The following SEPTIN6 variants were observed in gnomAD, a reference collection of about 807,000 sequenced individuals.
SEPTIN6 encodes the protein septin-6.
A neutral mutation model predicts 33.6 loss-of-function variants in SEPTIN6; 8 were observed. The observed-to-expected ratio is 0.24, with a 90% confidence interval of 0.14 to 0.43. The LOEUF is 0.43. Among genes scored for constraint, SEPTIN6 ranks in the 20% least tolerant of loss-of-function variants. The pLI is 1.00. For missense variants in SEPTIN6, 250 were observed against 340.8 expected, an observed-to-expected ratio of 0.73 and a Z score of 2.10; for synonymous variants, 131 against 140.0, an observed-to-expected ratio of 0.94 and a Z score of 0.45.
rs148582240 is a variant in SEPTIN6 at position 119,688,310 on chromosome X, T to C, written c.30+4766A>G. ...CAGTCACTCTCCTGTGTAGCACTTA[T>C]CACAAAGATAATTAGATAGTGATTT... On this transcript the variant is annotated intron_variant, in intron 1 of 10. Coordinates refer to ENST00000394610, the MANE Select transcript of SEPTIN6 (RefSeq NM_145799.4). Among the ~76,000 whole-genome samples the C allele has an allele frequency of 5.4e-3, 606 of 111,597 alleles. 6 individuals carry two copies. The highest frequency in any genetic ancestry group is 0.019 in the African/African-American group (574 of 30,686).
chrX:119,653,586 G>A (rs910060720), intron 3 of SEPTIN6, among the ~76,000 whole-genome samples: 33 of 111,832 alleles, frequency 3.0e-4, no homozygotes, highest in African/African-American at 8.1e-4. Context: ...CCTTTATCTC[G>A]CCCTACAGTG....
At chrX:119,681,546 G>A (rs190800696) in intron 1 of SEPTIN6, among the ~76,000 whole-genome samples, 1 of 105,814 alleles carries the variant, frequency 9.5e-6, no homozygotes, top group East Asian at 2.8e-4. Flanking sequence ...ATTTATTACA[G>A]CACAGTTTAT....
At chrX:119,673,875 G>T (rs867682072) in intron 2 of SEPTIN6, among the ~76,000 whole-genome samples, 3 of 100,386 alleles carry the variant, frequency 3.0e-5, no homozygotes, top group African/African-American at 1.1e-4. Context: ...AGAAAGAAAA[G>T]AAAAGAAAGA....
intron 5 of SEPTIN6, among the ~76,000 whole-genome samples, chrX:119,645,921 C>A (rs1030630789): frequency 3.6e-5 from 4 of 112,309 alleles, no homozygotes; most frequent in African/African-American, 1.3e-4. Flanking sequence ...TTGTGTCTAA[C>A]TTAAATTCTT....
At chrX:119,641,782 A>G (rs998404044) in intron 5 of SEPTIN6, among the ~76,000 whole-genome samples, 4 of 112,684 alleles carry the variant, frequency 3.5e-5, no homozygotes, top group African/African-American at 1.3e-4. Flanking sequence ...CACCACAGCC[A>G]GATGGAACCA....
At position 119,649,995 on chromosome X, in the gene SEPTIN6, T is replaced by C; in HGVS notation, c.632A>G (p.Gln211Arg). ...ITSELVSNGV[Q>R]IYQFPTDDES... is the part of the protein sequence containing the mutation. ...ATCATCTGTAGGAAACTGATAGATC[T>C]GGACTCCGTTGCTGACAAGCTCGCT... Residue 211 changes from glutamine (Q) to arginine (R), a missense_variant, in exon 5 of 11, where the codon CAG becomes CGG. Gln to Arg is a conservative substitution (Grantham distance 43). Coordinates refer to ENST00000394610, the MANE Select transcript of SEPTIN6 (RefSeq NM_145799.4). The C allele has an allele frequency of 8.3e-7, 1 of 1,211,716 alleles. No individual in the cohort carries two copies.
chrX:119,625,511 T>TG, intron 9 of SEPTIN6, 132 bp from the exon 10 acceptor site: 1 of 561,471 alleles, frequency 1.8e-6, no homozygotes, highest in South Asian at 2.8e-5. Flanking sequence ...GTGGGAAGGG[T>TG]GGACTGGTAG....
At chrX:119,626,898 G>T (rs1211158786) in intron 9 of SEPTIN6, among the ~76,000 whole-genome samples, 1 of 110,810 alleles carries the variant, frequency 9.0e-6, no homozygotes, top group Non-Finnish European at 1.9e-5. Flanking sequence ...TGTTGCCCAG[G>T]CTGGTCTCAA....
chrX:119,640,589 G>C, intron 6 of SEPTIN6, 103 bp downstream of exon 6: 2 of 660,956 alleles, frequency 3.0e-6, no homozygotes, highest in East Asian at 6.6e-5. Context: ...AATGAGCAGA[G>C]ACTTGGGACA....
chrX:119,689,544 T>C (rs1206976174), intron 1 of SEPTIN6, among the ~76,000 whole-genome samples: 1 of 112,114 alleles, frequency 8.9e-6, no homozygotes, highest in East Asian at 2.8e-4. Context: ...TGGAGTGTAG[T>C]GGCACGATCT....
Position 119,658,954 on chromosome X carries a change from C to G in SEPTIN6, c.341+4528G>C, listed in dbSNP as rs758044726. The stretch of plus-strand genomic sequence containing the variant: ...TTGTTTGTACTTTTGTTTATGGTAT[C>G]TTTCAATACAAAAGGGTTTTTTATT... On this transcript the variant is annotated intron_variant, in intron 3 of 10. Coordinates refer to ENST00000394610, the MANE Select transcript of SEPTIN6 (RefSeq NM_145799.4). Among the ~76,000 whole-genome samples, 7 of 112,219 alleles carry G rather than the reference C, an allele frequency of 6.2e-5. No individual in the cohort carries two copies. In the South Asian group the frequency reaches 2.5e-3, roughly 41 times the overall value.
intron 10 of SEPTIN6, among the ~76,000 whole-genome samples, chrX:119,620,384 T>C (rs2053730483): frequency 9.7e-6 from 1 of 102,976 alleles, no homozygotes; most frequent in African/African-American, 3.6e-5. Flanking sequence ...AGTGGTGCGA[T>C]CTCGGCTCGC....
rs750681990 is a variant in SEPTIN6 at position 119,688,875 on chromosome X, A to G, written c.30+4201T>C. Among the ~76,000 whole-genome samples, 5 of 111,295 alleles carry G rather than the reference A, an allele frequency of 4.5e-5. No individual in the cohort carries two copies. The East Asian group carries it at 1.4e-3, about 31-fold the overall frequency. On this transcript the variant is annotated intron_variant, in intron 1 of 10. Coordinates refer to ENST00000394610, the MANE Select transcript of SEPTIN6 (RefSeq NM_145799.4). Reference sequence around the variant, plus strand: ...TCCGTGTTGTATCACCAATAGAGCTAGGTAATAGGGTTTTGTTTTCTATGT... The same window carrying G: ...TCCGTGTTGTATCACCAATAGAGCTGGGTAATAGGGTTTTGTTTTCTATGT...
At chrX:119,666,453 T>C (rs1191357078) in intron 2 of SEPTIN6, among the ~76,000 whole-genome samples, 1 of 112,234 alleles carries the variant, frequency 8.9e-6, no homozygotes, top group Non-Finnish European at 1.9e-5. Flanking sequence ...GAGCTATGAA[T>C]GCAGGAGGTG....
intron 3 of SEPTIN6, among the ~76,000 whole-genome samples, chrX:119,654,315 C>T (rs1400558946): frequency 9.0e-6 from 1 of 111,142 alleles, no homozygotes; most frequent in Non-Finnish European, 1.9e-5. Context: ...CACGTCATCC[C>T]CGTCACCCCT....
intron 5 of SEPTIN6, among the ~76,000 whole-genome samples, chrX:119,647,161 G>A (rs1603338914): frequency 9.1e-6 from 1 of 110,420 alleles, no homozygotes; most frequent in East Asian, 2.8e-4. Context: ...CCCAGGAGGT[G>A]GAGGCTACAG....
At chrX:119,663,457 T>TC in intron 3 of SEPTIN6, 25 bp downstream of exon 3, 2 of 408,400 alleles carry the variant, frequency 4.9e-6, no homozygotes, top group Admixed American at 3.3e-5. Context: ...CTCCCCACCC[T>TC]ACCCCACCCC....
At position 119,619,370 on chromosome X, in the gene SEPTIN6, A is replaced by G; in HGVS notation, c.*723T>C. ...TCCCTTTTGCATCTGTGGGATACCC[A>G]GAGTTAGAGAGAGGGGAAACGTCTG... On this transcript the variant is annotated 3_prime_UTR_variant, in exon 11 of 11. Transcript: ENST00000394610. The G allele has an allele frequency of 1.2e-6, 1 of 813,799 alleles. No homozygotes were observed. Among genetic ancestry groups the G allele is most frequent in the Non-Finnish European group, 1.5e-6 (1 of 676,178 alleles). The allele number at this position is 813,799 out of a possible 1,213,427, so 67.1% of individuals were successfully genotyped here.
chrX:119,678,533 A>G (rs1177261417), intron 1 of SEPTIN6, among the ~76,000 whole-genome samples: 3 of 106,795 alleles, frequency 2.8e-5, no homozygotes, highest in African/African-American at 1.0e-4. Context: ...AAAAAAAAAT[A>G]AATAAAGACA....
Sources: gnomAD v4.1 joint callset for allele counts (sites outside exome capture counted in the v4.1 genomes callset) on GRCh38, gnomAD v4.1.1 for gene constraint, MANE v1.5 for transcripts, NCBI Gene and HGNC (gene_info 2026-07-23, HGNC 2026-07-21) for gene names.